CNBD1: variants seen among roughly 807,000 people sequenced by gnomAD.
CNBD1 encodes the protein cyclic nucleotide binding domain containing 1.
CNBD1 carries 71 observed loss-of-function variants against 54.4 expected under a neutral mutation model. That is an observed-to-expected ratio of 1.30 (90% CI 1.08 to 1.59). The LOEUF is 1.59. Ranked by LOEUF, CNBD1 falls within the 40% of genes most tolerant of loss-of-function variation. The probability of loss-of-function intolerance (pLI) is 0.00; values close to 1 mark genes in which losing one functional copy is unlikely to be tolerated. For synonymous variants in CNBD1, 182 were observed against 170.7 expected, an observed-to-expected ratio of 1.07 and a Z score of -0.51; for missense variants, 659 against 518.0, an observed-to-expected ratio of 1.27 and a Z score of -2.64.
At chr8:87,181,180 C>T (rs1813303959) in intron 4 of CNBD1, among the ~76,000 whole-genome samples, 2 of 152,138 alleles carry the variant, frequency 1.3e-5, no homozygotes, top group African/African-American at 4.8e-5. Context: ...AGATCTATGT[C>T]TGCAGGTTGA....
chr8:87,226,252 CT>C (rs897274405), intron 5 of CNBD1, among the ~76,000 whole-genome samples: 30 of 151,410 alleles, frequency 2.0e-4, no homozygotes, highest in African/African-American at 6.3e-4. Context: ...CAGTTCTGCT[CT>C]GATTTTAGTT....
intron 8 of CNBD1, among the ~76,000 whole-genome samples, chr8:87,334,501 C>T (rs7002305): frequency 0.28 from 42,513 of 151,564 alleles, 6,691 homozygotes; most frequent in Middle Eastern, 0.41. Context: ...TCTAGGTTTC[C>T]GATGTGGGCA....
chr8:87,328,075 C>G (rs558524761), intron 8 of CNBD1, among the ~76,000 whole-genome samples: 2 of 151,920 alleles, frequency 1.3e-5, no homozygotes, highest in African/African-American at 4.8e-5. Context: ...CCTATCAACC[C>G]GTCATCTAGG....
rs186994911 is a variant in CNBD1 at position 87,000,919 on chromosome 8, A to C, written c.431+61165A>C. Among the ~76,000 whole-genome samples, 5 of 152,244 alleles carry C rather than the reference A, an allele frequency of 3.3e-5. No homozygotes were observed. The East Asian group carries it at 9.6e-4, about 29-fold the overall frequency. On this transcript the variant is annotated intron_variant, in intron 4 of 10. Transcript: ENST00000518476. ...TCTCAATATTGAGCATTATAAATCA[A>C]ATTTTCCTGCTACCTGCTGTTTTTT...
intron 4 of CNBD1, among the ~76,000 whole-genome samples, chr8:87,024,077 A>C (rs959276700): frequency 7.9e-5 from 12 of 151,442 alleles, no homozygotes; most frequent in Non-Finnish European, 1.5e-4. Flanking sequence ...CTCTACTAAA[A>C]ATTAAAAAAA....
chr8:87,400,884 C>T (rs1229522984), intron 2 of CNBD1, among the ~76,000 whole-genome samples: 7 of 151,842 alleles, frequency 4.6e-5, no homozygotes, highest in Admixed American at 3.3e-4. Context: ...GTTGCCAGCC[C>T]CTGAAATTCT....
intron 4 of CNBD1, among the ~76,000 whole-genome samples, chr8:86,971,142 A>G (rs943858990): frequency 6.6e-6 from 1 of 152,206 alleles, no homozygotes; most frequent in African/African-American, 2.4e-5. Flanking sequence ...CAACTTATAA[A>G]GAAAATAGGT....
At chr8:86,871,293 G>C (rs1808440290) in intron 1 of CNBD1, among the ~76,000 whole-genome samples, 1 of 152,186 alleles carries the variant, frequency 6.6e-6, no homozygotes, top group Non-Finnish European at 1.5e-5. Context: ...CTATATCAGA[G>C]ATTAGTCCTG....
intron 4 of CNBD1, among the ~76,000 whole-genome samples, chr8:86,972,239 C>A (rs988779932): frequency 5.9e-5 from 9 of 152,146 alleles, no homozygotes; most frequent in African/African-American, 2.2e-4. Flanking sequence ...CTTGAGCCAC[C>A]GTGCCTGGCC....
At chr8:87,283,225 T>C (rs1303905877) in intron 6 of CNBD1, among the ~76,000 whole-genome samples, 1 of 152,128 alleles carries the variant, frequency 6.6e-6, no homozygotes, top group East Asian at 1.9e-4. Context: ...ACAGAAGTTT[T>C]ATTTTGTTCT....
At chr8:87,005,603 C>T (rs954898619) in intron 4 of CNBD1, among the ~76,000 whole-genome samples, 1 of 151,604 alleles carries the variant, frequency 6.6e-6, no homozygotes, top group Non-Finnish European at 1.5e-5. Context: ...TTCTTTTGAC[C>T]TAGGAATTCA....
At chr8:87,231,097 C>G (rs1002651015) in intron 5 of CNBD1, among the ~76,000 whole-genome samples, 1 of 152,062 alleles carries the variant, frequency 6.6e-6, no homozygotes, top group Non-Finnish European at 1.5e-5. Context: ...AAGTCATTCT[C>G]TTATGAACAA....
chr8:87,092,393 A>G (rs915141394), intron 4 of CNBD1, among the ~76,000 whole-genome samples: 10 of 145,426 alleles, frequency 6.9e-5, no homozygotes, highest in African/African-American at 1.8e-4. Flanking sequence ...GTGTATATAT[A>G]TGTGTGTGTG....
intron 4 of CNBD1, among the ~76,000 whole-genome samples, chr8:87,181,146 C>A (rs1453489454): frequency 1.3e-5 from 2 of 152,116 alleles, no homozygotes; most frequent in Admixed American, 6.6e-5. Flanking sequence ...TTTAAAGAGT[C>A]ATTTTGAGAG....
Position 87,210,950 on chromosome 8 carries a change from C to G in CNBD1, c.577+4812C>G, listed in dbSNP as rs542276791. On this transcript the variant is annotated intron_variant, in intron 5 of 10. Coordinates refer to ENST00000518476, the MANE Select transcript of CNBD1 (RefSeq NM_173538.3). ...GTTAGATCTACTGGCAGCTTGCACTCTGCACCTGGAAAAGCTGCAGCTACT... is the reference window on the plus strand; with the variant it reads ...GTTAGATCTACTGGCAGCTTGCACTGTGCACCTGGAAAAGCTGCAGCTACT... 9.1e-4 allele frequency among the ~76,000 whole-genome samples: 138 copies of G among 152,252 alleles called. 1 individual carries two copies. Among genetic ancestry groups the G allele is most frequent in the Non-Finnish European group, 1.6e-3 (106 of 68,012 alleles).
chr8:86,958,596 C>T (rs184248255), intron 4 of CNBD1, among the ~76,000 whole-genome samples: 3 of 152,244 alleles, frequency 2.0e-5, no homozygotes, highest in East Asian at 1.9e-4. Context: ...CCTTCTTTGT[C>T]TCTTTTGGTC....
chr8:87,366,156 A>G lies in CNBD1; in HGVS notation c.1303+12370A>G, dbSNP rs545714776. 2.5e-3 allele frequency among the ~76,000 whole-genome samples: 381 copies of G among 152,180 alleles called. 1 individual carries two copies. The highest frequency in any genetic ancestry group is 4.9e-3 in the Non-Finnish European group (333 of 67,992). On this transcript the variant is annotated intron_variant, in intron 10 of 10. Transcript: ENST00000518476. ...TAGCAGCTTTAAACAATACTCATTTATCATCTCACAGTTTTGTAGGTCAGA... is the reference window on the plus strand; with the variant it reads ...TAGCAGCTTTAAACAATACTCATTTGTCATCTCACAGTTTTGTAGGTCAGA...
chr8:87,329,711 G>C (rs1053104217), intron 8 of CNBD1, among the ~76,000 whole-genome samples: 4 of 151,920 alleles, frequency 2.6e-5, no homozygotes, highest in African/African-American at 9.7e-5. Context: ...TTTGTTGCTA[G>C]TATATAGGGA....
At chr8:86,933,321 A>C (rs6468558) in intron 3 of CNBD1, among the ~76,000 whole-genome samples, 143,900 of 152,146 alleles carry the variant, frequency 0.95, 68,153 homozygotes, top group East Asian at 1. Context: ...AATCCAATTC[A>C]CTACAGACTA....
Sources: allele counts gnomAD v4.1 joint callset (sites outside exome capture counted in the v4.1 genomes callset), GRCh38; gene constraint gnomAD v4.1.1; transcripts MANE v1.5; gene names NCBI Gene and HGNC (gene_info 2026-07-23, HGNC 2026-07-21).